Variants in GRID2 observed in about 807,000 individuals in gnomAD.
GRID2 encodes the protein glutamate ionotropic receptor delta type subunit 2.
GRID2 carries 33 observed loss-of-function variants against 114.8 expected under a neutral mutation model. The ratio of observed to expected loss-of-function variants is 0.29; its 90% confidence interval spans 0.22 to 0.38. GRID2 has a LOEUF of 0.38. Ranked by LOEUF, GRID2 falls within the 10% of genes least tolerant of loss-of-function variation. GRID2 has a pLI of 1.00. For missense variants in GRID2, 1,184 were observed against 1,257.7 expected (o/e 0.94, Z 0.89); for synonymous variants, 505 against 449.9 (o/e 1.12, Z -1.55).
At chr4:92,838,947 C>G (rs977655317) in intron 2 of GRID2, 6 of 151,976 alleles carry the variant, frequency 3.9e-5, no homozygotes, top group African/African-American at 9.7e-5. Flanking sequence ...TATGTGAGTT[C>G]TATAGTTGCC....
At chr4:93,073,156 T>A (rs1434525619) in intron 2 of GRID2, among the ~76,000 whole-genome samples, 2 of 152,058 alleles carry the variant, frequency 1.3e-5, no homozygotes, top group Admixed American at 6.6e-5. Flanking sequence ...ATGGGACCCA[T>A]AAAAAGTGCG....
intron 2 of GRID2, among the ~76,000 whole-genome samples, chr4:93,032,029 C>T (rs950171660): frequency 2.0e-5 from 3 of 152,044 alleles, no homozygotes; most frequent in African/African-American, 7.2e-5. Context: ...CACCAGCAAC[C>T]TATAATTTAA....
At chr4:93,475,015 C>A (rs996283598) in intron 11 of GRID2, among the ~76,000 whole-genome samples, 2 of 152,078 alleles carry the variant, frequency 1.3e-5, no homozygotes, top group African/African-American at 4.8e-5. Flanking sequence ...TTTGCAACTT[C>A]ACCCTGATCC....
chr4:92,599,852 C>G (rs910564973), intron 2 of GRID2, among the ~76,000 whole-genome samples: 4 of 151,468 alleles, frequency 2.6e-5, no homozygotes, highest in Non-Finnish European at 5.9e-5. Context: ...CGGTGAAACC[C>G]CGTCTCTACC....
chr4:92,811,280 C>CT (rs1740652157), intron 2 of GRID2, among the ~76,000 whole-genome samples: 1 of 151,824 alleles, frequency 6.6e-6, no homozygotes, highest in South Asian at 2.1e-4. Flanking sequence ...ATATCCATAC[C>CT]TTTTTTACTC....
At chr4:93,364,492 A>T (rs1040612258) in intron 8 of GRID2, among the ~76,000 whole-genome samples, 4 of 151,956 alleles carry the variant, frequency 2.6e-5, no homozygotes, top group Non-Finnish European at 5.9e-5. Flanking sequence ...ATATTTAGAG[A>T]CAAGAGTCTT....
At chr4:92,623,581 G>C (rs1189837034) in intron 2 of GRID2, among the ~76,000 whole-genome samples, 1 of 151,742 alleles carries the variant, frequency 6.6e-6, no homozygotes, top group Non-Finnish European at 1.5e-5. Flanking sequence ...GTGTATCTTG[G>C]TAGTCAGAGA....
intron 2 of GRID2, among the ~76,000 whole-genome samples, chr4:93,047,893 ACT>A (rs1578844400): frequency 6.6e-6 from 1 of 150,968 alleles, no homozygotes; most frequent in Non-Finnish European, 1.5e-5. Flanking sequence ...CAAAAAAAAC[ACT>A]CATCTAAGGA....
chr4:92,743,500 G>A (rs1736998180), intron 2 of GRID2, among the ~76,000 whole-genome samples: 1 of 152,146 alleles, frequency 6.6e-6, no homozygotes, highest in African/African-American at 2.4e-5. Flanking sequence ...GTAAGTACAT[G>A]AGGAAGAGGA....
chr4:92,597,327 G>T (rs994648093), intron 2 of GRID2, among the ~76,000 whole-genome samples: 6 of 151,962 alleles, frequency 3.9e-5, no homozygotes, highest in African/African-American at 1.2e-4. Context: ...TGCTGTATTT[G>T]TATGTCTTTC....
intron 2 of GRID2, among the ~76,000 whole-genome samples, chr4:92,949,642 G>T (rs1043103127): frequency 2.6e-5 from 4 of 151,304 alleles, no homozygotes; most frequent in Non-Finnish European, 5.9e-5. Context: ...ATTCTTTCAG[G>T]TAGAATTTGG....
At chr4:92,791,575 G>A (rs1431386597) in intron 2 of GRID2, among the ~76,000 whole-genome samples, 1 of 151,738 alleles carries the variant, frequency 6.6e-6, no homozygotes, top group African/African-American at 2.4e-5. Flanking sequence ...GGAAGCTGTA[G>A]AAAACAGAAT....
At chr4:92,458,576 A>G (rs921818653) in intron 1 of GRID2, among the ~76,000 whole-genome samples, 1 of 152,144 alleles carries the variant, frequency 6.6e-6, no homozygotes, top group African/African-American at 2.4e-5. Flanking sequence ...AATTCCCTTT[A>G]TAATAGGTTC....
At chr4:92,869,852 T>A (rs1206689327) in intron 2 of GRID2, among the ~76,000 whole-genome samples, 3 of 152,132 alleles carry the variant, frequency 2.0e-5, no homozygotes, top group Non-Finnish European at 4.4e-5. Context: ...CCAGACCACC[T>A]TAACTTCAAC....
intron 2 of GRID2, among the ~76,000 whole-genome samples, chr4:92,745,320 T>C (rs1462769694): frequency 6.6e-6 from 1 of 152,228 alleles, no homozygotes; most frequent in African/African-American, 2.4e-5. Context: ...CTCATTTGAT[T>C]TAGAGTATTT....
intron 8 of GRID2, among the ~76,000 whole-genome samples, chr4:93,389,320 T>C (rs545135855): frequency 6.6e-6 from 1 of 152,142 alleles, no homozygotes; most frequent in South Asian, 2.1e-4. Flanking sequence ...TTAGAAAAAA[T>C]AATAATATTG....
chr4:92,968,045 G>A (rs770374255), intron 2 of GRID2, among the ~76,000 whole-genome samples: 4 of 151,838 alleles, frequency 2.6e-5, no homozygotes, highest in Admixed American at 2.0e-4. Flanking sequence ...GATGTCTAGA[G>A]CATCAGGCTA....
In GRID2 at chr4:93,621,889, T is replaced by C. The variant is rs181501150; in HGVS notation, c.2194-4380T>C. ...CATTAGTATTGCAAGAGACAGCATA[T>C]ATAATGGCAAGGATAATGTTACTAT... is the stretch of plus-strand genomic sequence containing the variant. On this transcript the variant is annotated intron_variant, in intron 13 of 15. Transcript: ENST00000282020. Among the ~76,000 whole-genome samples, 152 of 152,132 alleles carry C rather than the reference T, an allele frequency of 1.0e-3. 3 individuals carry two copies. The highest frequency in any genetic ancestry group is 8.7e-3 in the Admixed American group (133 of 15,266).
intron 4 of GRID2, among the ~76,000 whole-genome samples, chr4:93,189,816 A>C (rs1465985209): frequency 3.7e-5 from 5 of 133,740 alleles, no homozygotes; most frequent in African/African-American, 1.4e-4. Flanking sequence ...CACACACACA[A>C]ATCTCATCTT....
Sources: gnomAD v4.1 joint callset for allele counts (sites outside exome capture counted in the v4.1 genomes callset) on GRCh38, gnomAD v4.1.1 for gene constraint, MANE v1.5 for transcripts, NCBI Gene and HGNC (gene_info 2026-07-23, HGNC 2026-07-21) for gene names.